CENPP: variants seen among roughly 807,000 people sequenced by gnomAD.
CENPP encodes the protein centromere protein P.
In CENPP, 24 loss-of-function variants were observed where a neutral mutation model predicts 35.6. The observed-to-expected ratio is 0.67, with a 90% confidence interval of 0.49 to 0.95. CENPP has a LOEUF of 0.95. Ranked by LOEUF, CENPP falls within the 40% of genes least tolerant of loss-of-function variation. The probability of loss-of-function intolerance (pLI) is 0.00; values close to 1 mark genes in which losing one functional copy is unlikely to be tolerated. For synonymous variants in CENPP, 120 were observed against 125.5 expected (o/e 0.96, Z 0.29); for missense variants, 332 against 345.3 (o/e 0.96, Z 0.31).
intron 5 of CENPP, among the ~76,000 whole-genome samples, chr9:92,449,437 CAAAAAAAAAAAAAAAAAAAAAAAAAAA>C (rs56218626): frequency 7.3e-5 from 4 of 54,958 alleles, no homozygotes; most frequent in South Asian, 8.9e-4. Flanking sequence ...ACTCTATCTC[CAAAAAAAAAAAAAAAAAAAAAAAAAAA>C]AAAAAAAAAA....
At chr9:92,406,999 G>A (rs1843324966) in intron 5 of CENPP, among the ~76,000 whole-genome samples, 1 of 152,122 alleles carries the variant, frequency 6.6e-6, no homozygotes, top group Non-Finnish European at 1.5e-5. Context: ...TCATGATTAT[G>A]GTTTATATAG....
chr9:92,436,179 A>G (rs965109143), intron 5 of CENPP, among the ~76,000 whole-genome samples: 2 of 152,162 alleles, frequency 1.3e-5, no homozygotes, highest in Admixed American at 6.5e-5. Context: ...GAATCTTTTC[A>G]TGTGCTTATT....
intron 5 of CENPP, among the ~76,000 whole-genome samples, chr9:92,557,521 T>C (rs186893442): frequency 6.6e-6 from 1 of 152,338 alleles, no homozygotes; most frequent in East Asian, 1.9e-4. Flanking sequence ...CTTATTTTCT[T>C]ATTCTTTTTT....
intron 5 of CENPP, chr9:92,600,540 G>T (rs1431846078): frequency 6.2e-7 from 1 of 1,612,552 alleles, no homozygotes; most frequent in Admixed American, 1.7e-5. Flanking sequence ...ACCCCACTGG[G>T]GCTGGGGCAC....
At chr9:92,442,861 A>AC (rs1844454069) in intron 5 of CENPP, among the ~76,000 whole-genome samples, 1 of 152,082 alleles carries the variant, frequency 6.6e-6, no homozygotes, top group Non-Finnish European at 1.5e-5. Context: ...AAAAAAAAAA[A>AC]ACATTGGATA....
At position 92,529,619 on chromosome 9, in the gene CENPP, C is replaced by A. The variant is rs533162280; in HGVS notation, c.565-81695C>A. On this transcript the variant is annotated intron_variant, in intron 5 of 7. Coordinates refer to ENST00000375587, the MANE Select transcript of CENPP (RefSeq NM_001012267.3). The stretch of plus-strand genomic sequence containing the variant: ...TATATTCAGACAATGGAATATTATT[C>A]AACACCAAAAAGAAATGAGCCATCA... 1.6e-4 allele frequency among the ~76,000 whole-genome samples: 25 copies of A among 152,098 alleles called. 1 individual carries two copies. The highest frequency in any genetic ancestry group is 5.8e-4 in the African/African-American group (24 of 41,504).
intron 4 of CENPP, among the ~76,000 whole-genome samples, chr9:92,367,872 G>T (rs1024155889): frequency 1.3e-5 from 2 of 152,096 alleles, no homozygotes; most frequent in Non-Finnish European, 1.5e-5. Flanking sequence ...CGCCTTAGCC[G>T]CCCAAAGCAC....
At chr9:92,430,478 G>A (rs182978832) in intron 5 of CENPP, among the ~76,000 whole-genome samples, 8 of 149,128 alleles carry the variant, frequency 5.4e-5, no homozygotes, top group South Asian at 4.2e-4. Context: ...TGCTTCAGTC[G>A]CCCGAGTAGC....
intron 4 of CENPP, among the ~76,000 whole-genome samples, chr9:92,350,454 A>G (rs1841413923): frequency 6.6e-6 from 1 of 152,224 alleles, no homozygotes; most frequent in South Asian, 2.1e-4. Context: ...GGAATTGTGA[A>G]TTTTTTAAAG....
At chr9:92,441,470 G>C (rs1044880007) in intron 5 of CENPP, among the ~76,000 whole-genome samples, 6 of 152,062 alleles carry the variant, frequency 3.9e-5, no homozygotes, top group African/African-American at 1.4e-4. Context: ...GACTTAAAAG[G>C]TATATTGGCC....
At chr9:92,533,316 A>T (rs1230646336) in intron 5 of CENPP, among the ~76,000 whole-genome samples, 84 of 97,090 alleles carry the variant, frequency 8.7e-4, no homozygotes, top group African/African-American at 3.4e-3. Flanking sequence ...AAAAAAAAAA[A>T]AAAAAAAAAA....
intron 2 of CENPP, among the ~76,000 whole-genome samples, chr9:92,334,666 G>C (rs1840865295): frequency 6.6e-6 from 1 of 152,082 alleles, no homozygotes; most frequent in Non-Finnish European, 1.5e-5. Flanking sequence ...GGTCACTTGA[G>C]GTCAGGAGTT....
Position 92,391,468 on chromosome 9 carries a change from A to ACCT in CENPP, c.564+11610_564+11611insCTC, listed in dbSNP as rs1364853829. On this transcript the variant is annotated intron_variant, in intron 5 of 7. Coordinates refer to ENST00000375587, the MANE Select transcript of CENPP (RefSeq NM_001012267.3). The stretch of plus-strand genomic sequence containing the variant: ...AAAACAAGTAACCAGGTGTGGTGGC[A>ACCT]CATGCCTGTAGTCTCAGCTACTTGC... Among the ~76,000 whole-genome samples the ACCT allele has an allele frequency of 5.6e-4, 85 of 152,196 alleles. 1 individual carries two copies. The highest frequency in any genetic ancestry group is 1.7e-3 in the African/African-American group (71 of 41,544).
rs766934538 is a variant in CENPP, at chr9:92,332,174, T to G, written c.112T>G (p.Ser38Ala). 6.3e-6 allele frequency: 10 copies of G among 1,576,108 alleles called. No homozygotes were observed. The South Asian group carries it at 1.1e-4, about 17-fold the overall frequency. ...TTTTTGATATTTGCCTTTTAGAAAATCTTTTCAAGCCATACACCAATTCAA... is the reference window on the plus strand; with the variant it reads ...TTTTTGATATTTGCCTTTTAGAAAAGCTTTTCAAGCCATACACCAATTCAA... ...PWEEKSRVQKSFQAIHQFNLE... is the reference protein window; with the variant it reads ...PWEEKSRVQKAFQAIHQFNLE... Residue 38 changes from serine to alanine, a missense_variant, in exon 2 of 8, where the codon TCT becomes GCT. Ser to Ala is a moderately conservative substitution (Grantham distance 99). Coordinates refer to ENST00000375587, the MANE Select transcript of CENPP (RefSeq NM_001012267.3).
intron 5 of CENPP, among the ~76,000 whole-genome samples, chr9:92,450,518 C>G (rs1443593748): frequency 6.6e-5 from 10 of 151,994 alleles, no homozygotes; most frequent in Non-Finnish European, 1.3e-4. Flanking sequence ...GGGTTGGTTC[C>G]AAGTCTTTGC....
intron 4 of CENPP, among the ~76,000 whole-genome samples, chr9:92,354,125 G>T (rs181408453): frequency 3.3e-5 from 5 of 152,166 alleles, no homozygotes; most frequent in African/African-American, 4.8e-5. Flanking sequence ...ATACTGTGAT[G>T]GTGGATAAGG....
intron 5 of CENPP, among the ~76,000 whole-genome samples, chr9:92,394,399 C>T (rs951247970): frequency 6.8e-6 from 1 of 146,832 alleles, no homozygotes; most frequent in Non-Finnish European, 1.5e-5. Context: ...TATGCCACCA[C>T]ACATGGCTAT....
intron 4 of CENPP, among the ~76,000 whole-genome samples, chr9:92,371,819 G>GT (rs1208112835): frequency 6.7e-6 from 1 of 148,656 alleles, no homozygotes; most frequent in Non-Finnish European, 1.5e-5. Flanking sequence ...ATTGTTACAT[G>GT]TTTTTTCTGA....
intron 5 of CENPP, among the ~76,000 whole-genome samples, chr9:92,545,032 C>G (rs1381544758): frequency 6.6e-6 from 1 of 152,194 alleles, no homozygotes; most frequent in Non-Finnish European, 1.5e-5. Flanking sequence ...CTTACAAATT[C>G]TTAAAGCATT....
Sources: allele counts gnomAD v4.1 joint callset (sites outside exome capture counted in the v4.1 genomes callset), GRCh38; gene constraint gnomAD v4.1.1; transcripts MANE v1.5; gene names NCBI Gene and HGNC (gene_info 2026-07-23, HGNC 2026-07-21).